Variants in SLC10A7 observed in about 807,000 individuals in gnomAD.
The protein encoded by SLC10A7 is solute carrier family 10 member 7.
A neutral mutation model predicts 43.2 loss-of-function variants in SLC10A7; 29 were observed. That is an observed-to-expected ratio of 0.67 (90% confidence interval 0.50 to 0.92). The LOEUF (loss-of-function observed/expected upper bound fraction) is 0.92. SLC10A7 is among the 40% of genes least tolerant of loss of function. SLC10A7 has a pLI of 0.00. For missense variants in SLC10A7, 295 were observed against 403.2 expected (o/e 0.73, Z 2.30); for synonymous variants, 152 against 144.8 (o/e 1.05, Z -0.35).
At chr4:146,256,590 C>T (rs1211294848) in intron 11 of SLC10A7, 70 bp from the exon 12 acceptor site, 16 of 1,503,902 alleles carry the variant, frequency 1.1e-5, no homozygotes, top group Non-Finnish European at 1.4e-5. Flanking sequence ...CAATTAACAC[C>T]AGATAATTTA....
At chr4:146,348,131 G>A (rs982013776) in intron 5 of SLC10A7, among the ~76,000 whole-genome samples, 1 of 152,058 alleles carries the variant, frequency 6.6e-6, no homozygotes, top group African/African-American at 2.4e-5. Flanking sequence ...CAAATTCAAT[G>A]GATCCAGTGT....
chr4:146,306,056 C>G, intron 6 of SLC10A7, 47 bp from the exon 7 acceptor site: 3 of 1,467,140 alleles, frequency 2.0e-6, no homozygotes, highest in South Asian at 1.3e-5. Context: ...AATCAGTTAT[C>G]AAGCATTAGT....
intron 5 of SLC10A7, among the ~76,000 whole-genome samples, chr4:146,378,474 G>A (rs1737368944): frequency 6.6e-6 from 1 of 152,116 alleles, no homozygotes; most frequent in Non-Finnish European, 1.5e-5. Context: ...AAGATTACCA[G>A]GGTGCTAAGG....
chr4:146,383,280 CAGG>C (rs1380741584), intron 5 of SLC10A7, among the ~76,000 whole-genome samples: 1 of 152,114 alleles, frequency 6.6e-6, no homozygotes, highest in Non-Finnish European at 1.5e-5. Flanking sequence ...GACAGTGAAG[CAGG>C]AGAATAGGGT....
At chr4:146,357,969 G>A (rs1361244749) in intron 5 of SLC10A7, among the ~76,000 whole-genome samples, 1 of 151,852 alleles carries the variant, frequency 6.6e-6, no homozygotes, top group Non-Finnish European at 1.5e-5. Context: ...TAGGAGTCAA[G>A]AGCTGTGACT....
intron 2 of SLC10A7, chr4:146,514,928 T>C (rs1737808233): frequency 3.6e-6 from 2 of 550,918 alleles, no homozygotes; most frequent in Non-Finnish European, 6.5e-6. Context: ...GAAAAGGGCT[T>C]TTGATGGAAG....
At chr4:146,298,308 C>T (rs1207047423) in intron 7 of SLC10A7, among the ~76,000 whole-genome samples, 1 of 152,144 alleles carries the variant, frequency 6.6e-6, no homozygotes, top group Non-Finnish European at 1.5e-5. Context: ...TATCAGTACA[C>T]CTCACTGTTA....
chr4:146,374,661 C>CACATAT (rs1553963528), intron 5 of SLC10A7, among the ~76,000 whole-genome samples: 1 of 100,686 alleles, frequency 9.9e-6, no homozygotes, highest in Non-Finnish European at 2.0e-5. Context: ...CACACACACA[C>CACATAT]ATATATATAT....
intron 5 of SLC10A7, among the ~76,000 whole-genome samples, chr4:146,420,037 G>T (rs748145053): frequency 4.7e-4 from 71 of 152,094 alleles, no homozygotes; most frequent in Non-Finnish European, 9.1e-4. Flanking sequence ...GAATGAAGAG[G>T]ACTGGCCGTA....
intron 5 of SLC10A7, among the ~76,000 whole-genome samples, chr4:146,433,538 A>G (rs1187235624): frequency 6.6e-6 from 1 of 152,134 alleles, no homozygotes; most frequent in African/African-American, 2.4e-5. Context: ...ATGAGGACAG[A>G]GGGAAATAAA....
At chr4:146,304,451 C>G (rs1252627064) in intron 7 of SLC10A7, among the ~76,000 whole-genome samples, 1 of 152,016 alleles carries the variant, frequency 6.6e-6, no homozygotes, top group Admixed American at 6.6e-5. Flanking sequence ...TATGTTGTGT[C>G]TTTGTTCTCG....
intron 4 of SLC10A7, among the ~76,000 whole-genome samples, chr4:146,493,107 C>A (rs919886772): frequency 6.6e-6 from 1 of 152,098 alleles, no homozygotes; most frequent in South Asian, 2.1e-4. Flanking sequence ...GTAGTTGGTG[C>A]ACAGACAAGC....
At position 146,395,065 on chromosome 4, in the gene SLC10A7, T is replaced by G. The variant is rs188247426; in HGVS notation, c.435+47718A>C. 4.5e-3 allele frequency among the ~76,000 whole-genome samples: 678 copies of G among 152,264 alleles called. 6 individuals carry two copies. The highest frequency in any genetic ancestry group is 6.9e-3 in the Admixed American group (106 of 15,288). On this transcript the variant is annotated intron_variant, in intron 5 of 11. Coordinates refer to ENST00000335472, the MANE Select transcript of SLC10A7 (RefSeq NM_001029998.6). ...TGTCACCTCTCCTGCTATTACATGC[T>G]TCTCTATTAAAATGCAGTTTTGGCT...
At chr4:146,316,231 AT>A (rs1732313392) in intron 6 of SLC10A7, among the ~76,000 whole-genome samples, 2 of 152,096 alleles carry the variant, frequency 1.3e-5, no homozygotes, top group African/African-American at 4.8e-5. Flanking sequence ...CCTTGCCTAA[AT>A]GAGAGATATG....
intron 10 of SLC10A7, among the ~76,000 whole-genome samples, chr4:146,265,229 C>T (rs912998822): frequency 1.3e-5 from 2 of 152,200 alleles, no homozygotes; most frequent in African/African-American, 2.4e-5. Context: ...AGTTAAGTAC[C>T]TTGCCTAATG....
At chr4:146,364,591 A>G (rs1218637824) in intron 5 of SLC10A7, among the ~76,000 whole-genome samples, 1 of 152,156 alleles carries the variant, frequency 6.6e-6, no homozygotes, top group African/African-American at 2.4e-5. Flanking sequence ...GAATTCATGG[A>G]GATAGCAGAG....
At chr4:146,519,913 G>A (rs10011222) in intron 1 of SLC10A7, among the ~76,000 whole-genome samples, 121,385 of 152,122 alleles carry the variant, frequency 0.8, 48,879 homozygotes, top group East Asian at 0.96. Context: ...AGGACTAGTG[G>A]AAATGGGAAA....
At chr4:146,258,447 A>C (rs1011451902) in intron 11 of SLC10A7, among the ~76,000 whole-genome samples, 5 of 152,236 alleles carry the variant, frequency 3.3e-5, no homozygotes, top group Non-Finnish European at 5.9e-5. Context: ...GAATGAATTC[A>C]AAAGAGCTTG....
At chr4:146,454,266 C>A (rs1339987563) in intron 4 of SLC10A7, among the ~76,000 whole-genome samples, 1 of 151,818 alleles carries the variant, frequency 6.6e-6, no homozygotes, top group East Asian at 1.9e-4. Context: ...TAAACTTAAT[C>A]AAACATTTTG....
Sources: gnomAD v4.1 joint callset for allele counts (sites outside exome capture counted in the v4.1 genomes callset) on GRCh38, gnomAD v4.1.1 for gene constraint, MANE v1.5 for transcripts, NCBI Gene and HGNC (gene_info 2026-07-23, HGNC 2026-07-21) for gene names.